The following DLGAP1 variants were observed in gnomAD, a reference collection of about 807,000 sequenced individuals.
DLGAP1 encodes disks large-associated protein 1.
A neutral mutation model predicts 90.8 loss-of-function variants in DLGAP1; 11 were observed. That is an observed-to-expected ratio of 0.12 (90% CI 0.08 to 0.20). The LOEUF (loss-of-function observed/expected upper bound fraction) is 0.20. Ranked by LOEUF, DLGAP1 falls within the 10% of genes least tolerant of loss-of-function variation. The pLI, the probability that DLGAP1 is intolerant of heterozygous loss-of-function variation, is 1.00. For synonymous variants in DLGAP1, 558 were observed against 540.7 expected (o/e 1.03, Z -0.44); for missense variants, 1,050 against 1,333.8 (o/e 0.79, Z 3.31).
chr18:3,801,110 A>G (rs1382866449), intron 5 of DLGAP1, among the ~76,000 whole-genome samples: 1 of 152,234 alleles, frequency 6.6e-6, no homozygotes, highest in African/African-American at 2.4e-5. Flanking sequence ...GAACAACCAG[A>G]TCTTGCGTGA....
chr18:3,659,560 C>CT (rs200662417), intron 7 of DLGAP1, among the ~76,000 whole-genome samples: 3,158 of 142,214 alleles, frequency 0.022, 129 homozygotes, highest in African/African-American at 0.074. Context: ...AGCTCAATAT[C>CT]TTTTTTTTTT....
intron 1 of DLGAP1, among the ~76,000 whole-genome samples, chr18:4,310,147 G>T (rs571095201): frequency 2.0e-5 from 3 of 152,268 alleles, no homozygotes; most frequent in East Asian, 3.9e-4. Flanking sequence ...TTCTGTGAAG[G>T]ACTTATACCA....
At chr18:3,785,493 C>A (rs2065405848) in intron 5 of DLGAP1, among the ~76,000 whole-genome samples, 1 of 152,148 alleles carries the variant, frequency 6.6e-6, no homozygotes, top group African/African-American at 2.4e-5. Context: ...CAGTGGAGTA[C>A]AGATCTTATA....
intron 7 of DLGAP1, among the ~76,000 whole-genome samples, chr18:3,679,546 C>T (rs917914322): frequency 4.0e-5 from 6 of 151,030 alleles, no homozygotes; most frequent in African/African-American, 1.5e-4. Context: ...ACCCCAGTGG[C>T]CTACCTCTTA....
Position 3,660,955 on chromosome 18 carries a change from G to T in DLGAP1, c.1591+68180C>A, listed in dbSNP as rs867300508. On this transcript the variant is annotated intron_variant, in intron 7 of 12. Coordinates refer to ENST00000315677, the MANE Select transcript of DLGAP1 (RefSeq NM_004746.4). This position sits in a 1 kb window ranked among gnomAD's most constrained non-coding sequence, Gnocchi z 4.2. The stretch of plus-strand genomic sequence containing the variant: ...TGTATGATAAGGCACAATAGAGAAA[G>T]AGGAACTAAAAAAGAACTTCAGCCT... 7.2e-5 allele frequency among the ~76,000 whole-genome samples: 11 copies of T among 152,326 alleles called. No homozygotes were observed. Among genetic ancestry groups the T allele is most frequent in the Middle Eastern group, 6.8e-3 (2 of 294 alleles).
chr18:4,157,952 T>G (rs1446264800), intron 1 of DLGAP1, among the ~76,000 whole-genome samples: 1 of 152,120 alleles, frequency 6.6e-6, no homozygotes. Flanking sequence ...CTTTCTTCCT[T>G]GAATAATTCC....
intron 7 of DLGAP1, among the ~76,000 whole-genome samples, chr18:3,640,146 C>T (rs1020318754): frequency 2.6e-5 from 4 of 151,920 alleles, no homozygotes; most frequent in Non-Finnish European, 5.9e-5. Flanking sequence ...GTAGTGTCTT[C>T]CCTGTGATAG....
At chr18:3,778,471 T>G (rs2065034453) in intron 5 of DLGAP1, among the ~76,000 whole-genome samples, 1 of 152,042 alleles carries the variant, frequency 6.6e-6, no homozygotes, top group South Asian at 2.1e-4. Context: ...TGCCTCTTAT[T>G]TTAGCTGATA....
At chr18:4,054,908 GGCAA>G (rs1258031667) in intron 2 of DLGAP1, among the ~76,000 whole-genome samples, 1 of 152,084 alleles carries the variant, frequency 6.6e-6, no homozygotes, top group Non-Finnish European at 1.5e-5. Context: ...ATATTTAGGA[GGCAA>G]GCACCAAAAC....
chr18:3,765,328 C>T (rs562333791), intron 5 of DLGAP1, among the ~76,000 whole-genome samples: 11 of 150,244 alleles, frequency 7.3e-5, no homozygotes, highest in Admixed American at 5.3e-4. Context: ...GATGGGGTTT[C>T]ACCATGTTAG....
chr18:4,326,580 C>G (rs984799190), intron 1 of DLGAP1, among the ~76,000 whole-genome samples: 3 of 151,920 alleles, frequency 2.0e-5, no homozygotes, highest in Non-Finnish European at 4.4e-5. Flanking sequence ...AGCAAAGGCA[C>G]GGAATCAAAC....
At chr18:3,994,618 C>T (rs935131590) in intron 3 of DLGAP1, among the ~76,000 whole-genome samples, 4 of 152,170 alleles carry the variant, frequency 2.6e-5, no homozygotes, top group East Asian at 1.9e-4. Flanking sequence ...ATTATTTATA[C>T]AATTTCAGGC....
intron 2 of DLGAP1, among the ~76,000 whole-genome samples, chr18:4,020,447 G>T (rs1321187935): frequency 6.6e-6 from 1 of 152,244 alleles, no homozygotes; most frequent in Non-Finnish European, 1.5e-5. Flanking sequence ...CTGGGCTGGG[G>T]AGGAGGACCT....
intron 2 of DLGAP1, among the ~76,000 whole-genome samples, chr18:4,052,261 C>T (rs1291559488): frequency 6.6e-6 from 1 of 152,208 alleles, no homozygotes; most frequent in Non-Finnish European, 1.5e-5. Flanking sequence ...CAAAGATTCT[C>T]CTGAGGGATC....
intron 9 of DLGAP1, among the ~76,000 whole-genome samples, chr18:3,553,599 T>C (rs1331998968): frequency 6.6e-6 from 1 of 152,164 alleles, no homozygotes; most frequent in Non-Finnish European, 1.5e-5. Context: ...AATTGCGTGA[T>C]CTCAGTTCAC....
intron 6 of DLGAP1, among the ~76,000 whole-genome samples, chr18:3,740,942 T>C (rs1328409594): frequency 3.8e-4 from 37 of 96,934 alleles, no homozygotes; most frequent in Non-Finnish European, 4.4e-4. Flanking sequence ...TCACCACCAC[T>C]GCCACCACTG....
chr18:4,037,922 T>A (rs2074915642), intron 2 of DLGAP1, among the ~76,000 whole-genome samples: 1 of 152,206 alleles, frequency 6.6e-6, no homozygotes, highest in Non-Finnish European at 1.5e-5. Context: ...ATCACGCCAC[T>A]GCATTCCAGC....
chr18:4,451,452 A>G (rs1437667942), intron 1 of DLGAP1, among the ~76,000 whole-genome samples: 1 of 152,182 alleles, frequency 6.6e-6, no homozygotes, highest in Non-Finnish European at 1.5e-5. Flanking sequence ...ATCTCATACA[A>G]TCGGTTATCT....
intron 1 of DLGAP1, among the ~76,000 whole-genome samples, chr18:4,401,024 T>C (rs2082543006): frequency 6.6e-6 from 1 of 152,208 alleles, no homozygotes; most frequent in Admixed American, 6.5e-5. Context: ...TATGTCAAAA[T>C]ACTCCAAATT....
Sources: gnomAD v4.1 joint callset for allele counts (sites outside exome capture counted in the v4.1 genomes callset) on GRCh38, gnomAD v4.1.1 for gene constraint, Gnocchi (gnomAD v3.1) non-coding constraint, MANE v1.5 for transcripts, NCBI Gene and HGNC (gene_info 2026-07-23, HGNC 2026-07-21) for gene names.